Variants in CHD9 observed in about 807,000 individuals in gnomAD.
The protein encoded by CHD9 is ATP-dependent chromatin remodeler CHD9.
In CHD9, 77 loss-of-function variants were observed where a neutral mutation model predicts 316.1. The observed-to-expected ratio is 0.24, with a 90% CI of 0.20 to 0.29. The LOEUF (loss-of-function observed/expected upper bound fraction) is 0.29, where lower values mean the gene tolerates loss of function less well. CHD9 is among the 10% of genes least tolerant of loss of function. The pLI, the probability that CHD9 is intolerant of heterozygous loss-of-function variation, is 1.00. For synonymous variants in CHD9, 1,129 were observed against 1,158.3 expected (o/e 0.97, Z 0.51); for missense variants, 2,763 against 3,438.1 (o/e 0.80, Z 4.91).
chr16:53,117,969 G>A (rs780436954), intron 1 of CHD9, among the ~76,000 whole-genome samples: 69 of 152,010 alleles, frequency 4.5e-4, no homozygotes, highest in Non-Finnish European at 5.4e-4. Flanking sequence ...GGGACTACAG[G>A]CACCCGCCAC....
intron 2 of CHD9, among the ~76,000 whole-genome samples, chr16:53,189,559 T>A (rs73607754): frequency 0.039 from 5,841 of 151,006 alleles, 131 homozygotes; most frequent in Middle Eastern, 0.075. Context: ...TTATATATAT[T>A]TTTTTTTCCT....
In CHD9 at chr16:53,156,852, C is replaced by A; in HGVS notation, c.763C>A (p.Pro255Thr). ...SSHQEGNFNG[P>T]SPNMTSCSVS... ...TCATCAAGAAGGAAATTTTAATGGA[C>A]CTTCCCCAAATATGACTTCTTGTTC... is the stretch of plus-strand genomic sequence containing the variant. The change falls in exon 2 of 39, where the codon CCT (proline) becomes ACT (threonine). Residue 255 changes from proline to threonine, a missense_variant. Coordinates refer to ENST00000447540, the MANE Select transcript of CHD9 (RefSeq NM_001308319.2). 1.2e-6 allele frequency: 2 copies of A among 1,613,660 alleles called. No individual in the cohort carries two copies. Among genetic ancestry groups the A allele is most frequent in the South Asian group, 2.2e-5 (2 of 91,072 alleles).
At chr16:53,287,891 T>C (rs2054018452) in intron 26 of CHD9, 66 bp from the exon 27 acceptor site, 1 of 1,297,624 alleles carries the variant, frequency 7.7e-7, no homozygotes, top group South Asian at 1.2e-5. Context: ...CCAACAAGAC[T>C]TTGTCCTATC....
chr16:53,090,872 C>G (rs1047121430), intron 1 of CHD9, among the ~76,000 whole-genome samples: 1 of 152,104 alleles, frequency 6.6e-6, no homozygotes, highest in Admixed American at 6.6e-5. Flanking sequence ...GCTCAAAGTT[C>G]AAAGCCAGGG....
At chr16:53,319,156 G>A (rs989584140) in intron 37 of CHD9, among the ~76,000 whole-genome samples, 2 of 152,116 alleles carry the variant, frequency 1.3e-5, no homozygotes, top group Non-Finnish European at 2.9e-5. Flanking sequence ...TATATGTATA[G>A]CTTTGACACA....
At chr16:53,209,935 A>G (rs2152871852) in intron 3 of CHD9, 122 bp downstream of exon 3, 1 of 686,696 alleles carries the variant, frequency 1.5e-6, no homozygotes, top group African/African-American at 1.8e-5. Context: ...ATTGTTGGCT[A>G]CTATGTGTGC....
chr16:53,082,383 C>A (rs991424849), intron 1 of CHD9, among the ~76,000 whole-genome samples: 1 of 152,044 alleles, frequency 6.6e-6, no homozygotes, highest in Non-Finnish European at 1.5e-5. Context: ...GACTGCAGGC[C>A]TTTGCCGCCA....
chr16:53,238,226 T>C (rs369833441), intron 11 of CHD9, 117 bp from the exon 12 acceptor site: 2 of 1,018,260 alleles, frequency 2.0e-6, no homozygotes, highest in Non-Finnish European at 2.8e-6. Context: ...TAAGCAACTT[T>C]TACATTTTTA....
chr16:53,210,512 A>G (rs1222967074), intron 3 of CHD9, among the ~76,000 whole-genome samples: 5 of 152,116 alleles, frequency 3.3e-5, no homozygotes, highest in African/African-American at 1.2e-4. Context: ...AATAAAATAC[A>G]GTAAATGTTA....
intron 2 of CHD9, among the ~76,000 whole-genome samples, chr16:53,182,079 G>A (rs927132534): frequency 1.3e-5 from 2 of 152,066 alleles, no homozygotes; most frequent in Admixed American, 6.6e-5. Context: ...ACTCCATCTC[G>A]TATATTTTTA....
At chr16:53,206,550 A>T (rs1166305735) in intron 2 of CHD9, among the ~76,000 whole-genome samples, 1 of 152,090 alleles carries the variant, frequency 6.6e-6, no homozygotes, top group South Asian at 2.1e-4. Flanking sequence ...CTGCTCCACT[A>T]TTCAGTAGCT....
chr16:53,107,507 A>ATAAAG (rs1344836244), intron 1 of CHD9, among the ~76,000 whole-genome samples: 1 of 148,952 alleles, frequency 6.7e-6, no homozygotes, highest in Admixed American at 6.7e-5. Flanking sequence ...ATAAAATAAA[A>ATAAAG]TAAAATATAA....
intron 2 of CHD9, among the ~76,000 whole-genome samples, chr16:53,181,448 G>C (rs1425805162): frequency 6.6e-6 from 1 of 152,072 alleles, no homozygotes; most frequent in African/African-American, 2.4e-5. Flanking sequence ...TAAGTAATTT[G>C]CTTAAGTAAT....
At position 53,156,840 on chromosome 16, in the gene CHD9, A is replaced by G. The variant is rs570493698; in HGVS notation, c.751A>G (p.Asn251Asp). The G allele has an allele frequency of 8.9e-5, 144 of 1,613,822 alleles. 1 individual carries two copies. Among genetic ancestry groups the G allele is most frequent in the South Asian group, 7.7e-4 (70 of 91,068 alleles). ...CAAGTGTAGCAGTCATCAAGAAGGA[A>G]ATTTTAATGGACCTTCCCCAAATAT... The part of the protein sequence containing the change: ...FHKCSSHQEG[N>D]FNGPSPNMTS... Residue 251 changes from asparagine to aspartate, a missense_variant, in exon 2 of 39, where the codon AAT (asparagine) becomes GAT (aspartate). Transcript: ENST00000447540.
chr16:53,181,439 A>C (rs1046974879), intron 2 of CHD9, among the ~76,000 whole-genome samples: 1 of 152,272 alleles, frequency 6.6e-6, no homozygotes, highest in Admixed American at 6.5e-5. Context: ...TAAGTAATTT[A>C]AGTAATTTGC....
At chr16:53,118,120 T>C (rs958579256) in intron 1 of CHD9, among the ~76,000 whole-genome samples, 1 of 152,104 alleles carries the variant, frequency 6.6e-6, no homozygotes, top group African/African-American at 2.4e-5. Context: ...AGCCACCACA[T>C]GCGGCCAAGA....
intron 8 of CHD9, 30 bp from the exon 9 acceptor site, chr16:53,231,389 G>C (rs746790235): frequency 8.0e-7 from 1 of 1,254,550 alleles, no homozygotes; most frequent in South Asian, 1.3e-5. Flanking sequence ...TTCTTTGTCA[G>C]ATGTCAATTA....
chr16:53,086,313 C>T (rs2035455611), intron 1 of CHD9, among the ~76,000 whole-genome samples: 2 of 152,296 alleles, frequency 1.3e-5, no homozygotes, highest in Admixed American at 6.5e-5. Flanking sequence ...AGCTTTCCAC[C>T]GTGTGCTCAA....
chr16:53,232,044 T>G (rs938346813), intron 10 of CHD9, among the ~76,000 whole-genome samples: 5 of 152,154 alleles, frequency 3.3e-5, no homozygotes, highest in African/African-American at 1.2e-4. Context: ...GGAAATGAAT[T>G]AAATATTCCA....
Sources: allele counts gnomAD v4.1 joint callset (sites outside exome capture counted in the v4.1 genomes callset), GRCh38; gene constraint gnomAD v4.1.1; transcripts MANE v1.5; gene names NCBI Gene and HGNC (gene_info 2026-07-23, HGNC 2026-07-21).